Variants in NTN4 observed in about 807,000 individuals in gnomAD.
The protein encoded by NTN4 is netrin-4.
In NTN4, 32 loss-of-function variants were observed where a neutral mutation model predicts 73.6. The observed-to-expected ratio is 0.44, with a 90% confidence interval of 0.33 to 0.58. The LOEUF is 0.58. Ranked by LOEUF, NTN4 falls within the 20% of genes least tolerant of loss-of-function variation. NTN4 has a pLI of 0.04. For missense variants in NTN4, 654 were observed against 798.3 expected, an observed-to-expected ratio of 0.82 and a Z score of 2.18; for synonymous variants, 258 against 287.5, an observed-to-expected ratio of 0.90 and a Z score of 1.04.
chr12:95,748,195 C>A lies in NTN4; in HGVS notation c.586-10051G>T, dbSNP rs1364278452. Among the ~76,000 whole-genome samples, 3 of 123,368 alleles carry A rather than the reference C, an allele frequency of 2.4e-5. No individual in the cohort carries two copies. The Admixed American group carries it at 3.1e-4, about 13-fold the overall frequency. 80.9% of individuals were successfully genotyped at this position (123,368 alleles called of 152,430 possible). ...GCAGTGAGCCGAGATCATGCCACTG[C>A]AATCCGGCCTGGGCGACAGAGCAAG... is the stretch of plus-strand genomic sequence containing the variant. On this transcript the variant is annotated intron_variant, in intron 2 of 9. Coordinates refer to ENST00000343702, the MANE Select transcript of NTN4 (RefSeq NM_021229.4).
chr12:95,784,584 T>G (rs529289563), intron 2 of NTN4, among the ~76,000 whole-genome samples: 20 of 152,040 alleles, frequency 1.3e-4, no homozygotes, highest in African/African-American at 4.6e-4. Context: ...CTGGCCAAAA[T>G]AGTGAAACCC....
intron 5 of NTN4, among the ~76,000 whole-genome samples, chr12:95,697,209 C>T (rs548636529): frequency 2.6e-5 from 4 of 151,766 alleles, no homozygotes; most frequent in African/African-American, 9.7e-5. Flanking sequence ...TTTATTCTAA[C>T]TTGATAGGGG....
At chr12:95,768,564 CA>C (rs2079035621) in intron 2 of NTN4, among the ~76,000 whole-genome samples, 1 of 151,902 alleles carries the variant, frequency 6.6e-6, no homozygotes, top group East Asian at 1.9e-4. Flanking sequence ...GACAAGAGGC[CA>C]GGGGGGCATT....
intron 7 of NTN4, among the ~76,000 whole-genome samples, chr12:95,678,479 C>G (rs187032884): frequency 2.3e-4 from 35 of 151,570 alleles, no homozygotes; most frequent in African/African-American, 7.7e-4. Flanking sequence ...CAGCTAAAAG[C>G]AAAACTCATT....
intron 7 of NTN4, 144 bp downstream of exon 7, chr12:95,682,563 G>T (rs146403377): frequency 2.3e-5 from 12 of 523,202 alleles, no homozygotes; most frequent in African/African-American, 2.1e-4. Context: ...CATACTTACA[G>T]GAGTCACTAC....
At chr12:95,775,476 C>G (rs909292961) in intron 2 of NTN4, among the ~76,000 whole-genome samples, 1 of 152,226 alleles carries the variant, frequency 6.6e-6, no homozygotes, top group Non-Finnish European at 1.5e-5. Context: ...TCGGGTCACT[C>G]CCACCCTAAT....
At chr12:95,754,947 C>T (rs2078938179) in intron 2 of NTN4, among the ~76,000 whole-genome samples, 1 of 152,194 alleles carries the variant, frequency 6.6e-6, no homozygotes, top group African/African-American at 2.4e-5. Flanking sequence ...TTACAAACAG[C>T]ATCTGGTTAA....
chr12:95,705,099 G>A (rs1377818118), intron 5 of NTN4, among the ~76,000 whole-genome samples: 4 of 152,054 alleles, frequency 2.6e-5, no homozygotes, highest in African/African-American at 7.2e-5. Context: ...CAACATATAA[G>A]GGGATCAGAA....
At chr12:95,768,691 G>A (rs575308712) in intron 2 of NTN4, among the ~76,000 whole-genome samples, 1 of 152,308 alleles carries the variant, frequency 6.6e-6, no homozygotes, top group East Asian at 1.9e-4. Flanking sequence ...AAATATCCTT[G>A]AGAATGCAGT....
intron 2 of NTN4, among the ~76,000 whole-genome samples, chr12:95,778,895 T>C (rs2079113055): frequency 6.6e-6 from 1 of 152,162 alleles, no homozygotes; most frequent in South Asian, 2.1e-4. Flanking sequence ...TGAACATCGA[T>C]GCAAAAATCC....
At chr12:95,729,386 T>C (rs947288464) in intron 3 of NTN4, among the ~76,000 whole-genome samples, 1 of 152,044 alleles carries the variant, frequency 6.6e-6, no homozygotes, top group Admixed American at 6.6e-5. Flanking sequence ...GAATCCCATA[T>C]TACAAAAAAA....
intron 2 of NTN4, among the ~76,000 whole-genome samples, chr12:95,785,887 G>A (rs1296242715): frequency 6.6e-6 from 1 of 152,142 alleles, no homozygotes; most frequent in Non-Finnish European, 1.5e-5. Context: ...TTGACATTTT[G>A]AGCTAGATAA....
At chr12:95,723,494 G>A (rs748417979) in intron 3 of NTN4, among the ~76,000 whole-genome samples, 5 of 152,022 alleles carry the variant, frequency 3.3e-5, no homozygotes, top group Non-Finnish European at 4.4e-5. Context: ...GACTTGTTTT[G>A]CATCTATTTG....
intron 2 of NTN4, among the ~76,000 whole-genome samples, chr12:95,749,277 G>A (rs917591866): frequency 5.3e-5 from 8 of 152,142 alleles, no homozygotes; most frequent in Non-Finnish European, 7.3e-5. Context: ...ACATGGACGC[G>A]CATGAAATTT....
intron 2 of NTN4, 32 bp downstream of exon 2, chr12:95,786,907 C>T (rs1440223987): frequency 6.3e-7 from 1 of 1,579,468 alleles, no homozygotes; most frequent in South Asian, 1.1e-5. Flanking sequence ...TTCTATCTTA[C>T]TTACAGTGTA....
At chr12:95,720,616 C>T (rs1320776306) in intron 3 of NTN4, among the ~76,000 whole-genome samples, 1 of 152,050 alleles carries the variant, frequency 6.6e-6, no homozygotes, top group East Asian at 1.9e-4. Context: ...TTAAAACTGC[C>T]AAGAAGGCAG....
At chr12:95,742,637 G>A (rs1021345239) in intron 2 of NTN4, among the ~76,000 whole-genome samples, 14 of 152,048 alleles carry the variant, frequency 9.2e-5, no homozygotes, top group African/African-American at 1.4e-4. Flanking sequence ...ATTCAAGGCC[G>A]TCCTGTGGAC....
Position 95,672,857 on chromosome 12 carries a change from C to T in NTN4, c.1511-2711G>A. The T allele has an allele frequency of 2.9e-6, 4 of 1,378,512 alleles. No individual in the cohort carries two copies. The Admixed American group carries it at 6.7e-5, about 23-fold the overall frequency. 85.4% of individuals were successfully genotyped at this position (1,378,512 alleles called of 1,614,324 possible). On this transcript the variant is annotated intron_variant, in intron 7 of 9. Transcript: ENST00000343702. The stretch of plus-strand genomic sequence containing the variant: ...GAAGGGAAATGGGTACTGATTGCAG[C>T]CCATGGCAACAGCCTCCGGGGCATT...
intron 2 of NTN4, among the ~76,000 whole-genome samples, chr12:95,771,134 C>T (rs1431030705): frequency 2.0e-5 from 3 of 151,834 alleles, no homozygotes; most frequent in Admixed American, 6.6e-5. Context: ...GGACTACAGG[C>T]GCCTGCTACC....
Sources: gnomAD v4.1 joint callset for allele counts (sites outside exome capture counted in the v4.1 genomes callset) on GRCh38, gnomAD v4.1.1 for gene constraint, MANE v1.5 for transcripts, NCBI Gene and HGNC (gene_info 2026-07-23, HGNC 2026-07-21) for gene names.